Variants in OAS1 observed in about 807,000 individuals in gnomAD.
The protein encoded by OAS1 is 2'-5'-oligoadenylate synthetase 1.
A neutral mutation model predicts 38.5 loss-of-function variants in OAS1; 24 were observed. That is an observed-to-expected ratio of 0.62 (90% confidence interval 0.45 to 0.88). The LOEUF (loss-of-function observed/expected upper bound fraction) is 0.88. Among genes scored for constraint, OAS1 ranks in the 40% least tolerant of loss-of-function variants. The pLI is 0.00. For missense variants in OAS1, 482 were observed against 493.9 expected (o/e 0.98, Z 0.23); for synonymous variants, 169 against 193.9 (o/e 0.87, Z 1.07).
At position 112,919,674 on chromosome 12, in the gene OAS1, A is replaced by G. The variant is rs377422967; in HGVS notation, c.*121A>G. 207 of 1,569,938 alleles carry G rather than the reference A, an allele frequency of 1.3e-4. No individual in the cohort carries two copies. The highest frequency in any genetic ancestry group is 1.6e-4 in the Non-Finnish European group (183 of 1,156,302). On this transcript the variant is annotated 3_prime_UTR_variant, in exon 6 of 6. Coordinates refer to ENST00000202917, the MANE Select transcript of OAS1 (RefSeq NM_016816.4). ...TCAGTGAGCTGGTGTATAATCCAGG[A>G]CAGAACCCAGGTCTCCTGACTCCTG...
intron 6 of OAS1, among the ~76,000 whole-genome samples, chr12:112,929,499 T>C (rs910753768): frequency 6.6e-6 from 1 of 152,222 alleles, no homozygotes; most frequent in African/African-American, 2.4e-5. Context: ...ATATTCTGTT[T>C]GGTTCCTGGA....
chr12:112,922,198 A>G (rs1488185901), downstream of OAS1, among the ~76,000 whole-genome samples: 1 of 152,096 alleles, frequency 6.6e-6, no homozygotes, highest in Non-Finnish European at 1.5e-5. Context: ...AACCATTACT[A>G]TATATGCTAT....
chr12:112,919,257 AG>A (rs2043507104), intron 5 of OAS1, 131 bp from the exon 6 acceptor site: 1 of 827,160 alleles, frequency 1.2e-6, no homozygotes, highest in Admixed American at 2.5e-5. Context: ...CTGTCCCAGC[AG>A]CTGGGGCTTG....
intron 1 of OAS1, among the ~76,000 whole-genome samples, 195 bp downstream of exon 1, chr12:112,907,414 A>G (rs1050851851): frequency 6.6e-6 from 1 of 152,162 alleles, no homozygotes; most frequent in African/African-American, 2.4e-5. Flanking sequence ...TCTGGGGTGA[A>G]ATCCTACATC....
chr12:112,917,429 C>T, intron 4 of OAS1, 118 bp from the exon 5 acceptor site: 1 of 1,375,230 alleles, frequency 7.3e-7, no homozygotes, highest in South Asian at 1.3e-5. Flanking sequence ...GGGAGCCCTT[C>T]CTCATGTTCT....
In OAS1 at chr12:112,919,545, A is replaced by G. The variant is rs1163059707; in HGVS notation, c.1195A>G (p.Ile399Val). Residue 399 changes from isoleucine to valine, a missense_variant, in exon 6 of 6, where the codon ATC (isoleucine) becomes GTC (valine). Coordinates refer to ENST00000202917, the MANE Select transcript of OAS1 (RefSeq NM_016816.4). ...PQAEEDWTCT[I>V]L ...GGCAGAAGAGGACTGGACCTGCACC[A>G]TCCTCTGAATGCCAGTGCATCTTGG... The G allele has an allele frequency of 1.2e-6, 2 of 1,614,030 alleles. No homozygotes were observed. The highest frequency in any genetic ancestry group is 1.3e-5 in the African/African-American group (1 of 74,922).
chr12:112,918,963 A>G, intron 5 of OAS1: 1 of 254,502 alleles, frequency 3.9e-6, no homozygotes, highest in South Asian at 4.8e-5. Flanking sequence ...CACTCAGGGA[A>G]AGGGGGGAAG....
intron 3 of OAS1, among the ~76,000 whole-genome samples, chr12:112,915,157 AT>A (rs2043439139): frequency 6.6e-6 from 1 of 151,894 alleles, no homozygotes; most frequent in Admixed American, 6.6e-5. Flanking sequence ...TTTTTGTTGC[AT>A]TTGCTTTTGG....
rs1305383186 is a variant in OAS1 at position 112,919,749 on chromosome 12, C to T, written c.*196C>T. On this transcript the variant is annotated 3_prime_UTR_variant, in exon 6 of 6. Coordinates refer to ENST00000202917, the MANE Select transcript of OAS1 (RefSeq NM_016816.4). ...ATAGATAACATTCTCCACAGCCTCA[C>T]TTCATTCCACCTATTCTCTGAAAAT... 3.4e-6 allele frequency: 5 copies of T among 1,464,786 alleles called. No homozygotes were observed. Among genetic ancestry groups the T allele is most frequent in the African/African-American group, 1.4e-5 (1 of 70,400 alleles). 90.7% of individuals were successfully genotyped at this position (1,464,786 alleles called of 1,614,324 possible). A position where few individuals can be genotyped will look rare whatever the true frequency, so the allele number is the denominator to read the frequency against.
chr12:112,924,673 G>A (rs372657308), downstream of OAS1, among the ~76,000 whole-genome samples: 9 of 152,170 alleles, frequency 5.9e-5, no homozygotes, highest in East Asian at 1.9e-4. Flanking sequence ...TTTTGCAATG[G>A]TTGCTTCATG....
chr12:112,929,663 T>G (rs1273113914), intron 6 of OAS1, among the ~76,000 whole-genome samples: 1 of 152,142 alleles, frequency 6.6e-6, no homozygotes, highest in Admixed American at 6.5e-5. Flanking sequence ...ATTTTAGAGA[T>G]AGGGAAGCTG....
chr12:112,916,798 A>G (rs1430954334), intron 4 of OAS1, 60 bp downstream of exon 4: 2 of 1,276,052 alleles, frequency 1.6e-6, no homozygotes, highest in Admixed American at 1.7e-5. Flanking sequence ...ATACAGGTAC[A>G]GTGCCTTGGA....
At chr12:112,920,735 G>A (rs555087387), downstream of OAS1, among the ~76,000 whole-genome samples, 1 of 152,286 alleles carries the variant, frequency 6.6e-6, no homozygotes, top group Admixed American at 6.5e-5. Flanking sequence ...AGCATGCTCT[G>A]ATCACCTGAG....
At chr12:112,911,432 A>G (rs2043382589) in intron 3 of OAS1, among the ~76,000 whole-genome samples, 197 bp downstream of exon 3, 1 of 152,076 alleles carries the variant, frequency 6.6e-6, no homozygotes, top group African/African-American at 2.4e-5. Flanking sequence ...AAGGGAAGGA[A>G]GAGAGAAAGG....
chr12:112,928,716 A>T (rs568421871), intron 6 of OAS1, among the ~76,000 whole-genome samples: 6 of 152,346 alleles, frequency 3.9e-5, no homozygotes. Context: ...CACTTCTCAC[A>T]TTCCACTGGC....
intron 3 of OAS1, among the ~76,000 whole-genome samples, chr12:112,914,647 GGTGGTATCACATT>G (rs2043429269): frequency 6.6e-6 from 1 of 151,474 alleles, no homozygotes; most frequent in African/African-American, 2.4e-5. Flanking sequence ...GCAGGAGTGA[GGTGGTATCACATT>G]GTGGTTTTGA....
At chr12:112,907,461 G>A (rs534503571) in intron 1 of OAS1, among the ~76,000 whole-genome samples, 7 of 152,196 alleles carry the variant, frequency 4.6e-5, no homozygotes, top group South Asian at 2.1e-4. Context: ...CCTACTTCCC[G>A]CTGAAGTTTA....
chr12:112,907,192 C>T lies in OAS1; in HGVS notation c.153C>T (p.Tyr51=), dbSNP rs767460536. 1 of 1,614,160 alleles carries T rather than the reference C, an allele frequency of 6.2e-7. No individual in the cohort carries two copies. Among genetic ancestry groups the T allele is most frequent in the Admixed American group, 1.7e-5 (1 of 60,026 alleles). ...LKERCFRGSS[Y]PVCVSKVVKG... ...AAAGGTGCTTCCGAGGTAGCTCCTACCCTGTGTGTGTGTCCAAGGTGGTAA... is the reference window on the plus strand; with the variant it reads ...AAAGGTGCTTCCGAGGTAGCTCCTATCCTGTGTGTGTGTCCAAGGTGGTAA... Residue 51 remains tyrosine, a synonymous_variant, in exon 1 of 6, where the codon TAC becomes TAT. Transcript: ENST00000202917.
rs12298890 is a variant in OAS1 at position 112,917,016 on chromosome 12, C to T, written c.884+278C>T. On this transcript the variant is annotated intron_variant, in intron 4 of 5. Coordinates refer to ENST00000202917, the MANE Select transcript of OAS1 (RefSeq NM_016816.4). ...CCTTAACAGAAAATGAGTAAAATAG[C>T]TGCAGTTTGAACTGAAATAAGAACA... is the stretch of plus-strand genomic sequence containing the variant. The T allele has an allele frequency of 6.1e-4, 259 of 421,622 alleles. 1 individual carries two copies. Among genetic ancestry groups the T allele is most frequent in the African/African-American group, 4.5e-3 (230 of 50,680 alleles). The allele number at this position is 421,622 out of a possible 1,614,324, so 26.1% of individuals were successfully genotyped here.
Sources: gnomAD v4.1 joint callset for allele counts (sites outside exome capture counted in the v4.1 genomes callset) on GRCh38, gnomAD v4.1.1 for gene constraint, MANE v1.5 for transcripts, NCBI Gene and HGNC (gene_info 2026-07-23, HGNC 2026-07-21) for gene names.